MUC22: variants seen among roughly 807,000 people sequenced by gnomAD.
MUC22 encodes mucin 22, also known as mucin-22.
In MUC22, 24 loss-of-function variants were observed where a neutral mutation model predicts 40.3. That is an observed-to-expected ratio of 0.60 (90% CI 0.43 to 0.84). The LOEUF (loss-of-function observed/expected upper bound fraction) is 0.84, where lower values mean the gene tolerates loss of function less well. MUC22 is among the 40% of genes least tolerant of loss of function. The pLI is 0.00. For missense variants in MUC22, 1,926 were observed against 2,130.7 expected (o/e 0.90, Z 1.89); for synonymous variants, 765 against 844.5 (o/e 0.91, Z 1.63).
chr6:31,018,412 A>T (rs1764418355), intron 1 of MUC22, among the ~76,000 whole-genome samples: 1 of 152,226 alleles, frequency 6.6e-6, no homozygotes, highest in South Asian at 2.1e-4. Context: ...CCACAGAATT[A>T]ATAATCTACC....
At chr6:31,025,532 G>C (rs770108687) in exon 2 of MUC22, 4 of 1,516,074 alleles carry the variant, frequency 2.6e-6, no homozygotes, top group South Asian at 1.2e-5. Flanking sequence ...TTCACAAAAG[G>C]CTCCGACACC....
exon 2 of MUC22, chr6:31,028,640 C>G (rs1765674517): frequency 6.5e-7 from 1 of 1,534,452 alleles, no homozygotes; most frequent in Non-Finnish European, 8.7e-7. Flanking sequence ...GCCTCTACCA[C>G]AGCCTCTGAG....
chr6:31,011,396 G>A lies in MUC22; in HGVS notation c.70+620G>A, dbSNP rs992652471. On this transcript the variant is annotated intron_variant, in intron 1 of 3. Transcript: ENST00000561890. The surrounding 1 kb of genome is among the most constrained non-coding windows in gnomAD (Gnocchi z 4.5). ...AAAGTCCACTGTATCATTCTCATGC[G>A]TTTGAGTCCTCACAGCTTAGCTCCC... is the stretch of plus-strand genomic sequence containing the variant. Among the ~76,000 whole-genome samples the A allele has an allele frequency of 2.6e-5, 4 of 151,942 alleles. No homozygotes were observed. Among genetic ancestry groups the A allele is most frequent in the South Asian group, 2.1e-4 (1 of 4,818 alleles).
At chr6:31,022,031 G>C (rs1632868) in intron 1 of MUC22, among the ~76,000 whole-genome samples, 96,452 of 151,534 alleles carry the variant, frequency 0.64, 30,883 homozygotes, top group Non-Finnish European at 0.65. Context: ...ACACGCATGG[G>C]CTTAAGAGTT....
chr6:31,026,427 T>C lies in MUC22; in HGVS notation c.996T>C (p.Ser332=), dbSNP rs1283892471. ...GATCCGAGAACACCACAGTCTCTAG[T>C]GCAGGCTCTGGGACCACCACAGCTT... is the stretch of plus-strand genomic sequence containing the variant. Residue 332 remains serine (S), a synonymous_variant, in exon 2 of 4, where the codon AGT becomes AGC. Transcript: ENST00000561890. The C allele has an allele frequency of 2.1e-5, 31 of 1,506,818 alleles. 2 individuals carry two copies. Among genetic ancestry groups the C allele is most frequent in the Non-Finnish European group, 2.7e-5 (30 of 1,128,712 alleles). 93.3% of individuals were successfully genotyped at this position (1,506,818 alleles called of 1,614,324 possible). A position where few individuals can be genotyped will look rare whatever the true frequency, so the allele number is the denominator to read the frequency against.
chr6:31,022,373 A>T (rs541792246), intron 1 of MUC22, among the ~76,000 whole-genome samples: 2 of 152,116 alleles, frequency 1.3e-5, no homozygotes, highest in African/African-American at 2.4e-5. Context: ...AATTTTGGTT[A>T]GGCTGGTATC....
Position 31,011,025 on chromosome 6 carries a change from TG to T in MUC22, c.70+253del, listed in dbSNP as rs1763832760. Among the ~76,000 whole-genome samples the T allele has an allele frequency of 6.6e-6, 1 of 150,976 alleles. No homozygotes were observed. The highest frequency in any genetic ancestry group is 1.5e-5 in the Non-Finnish European group (1 of 67,786). On this transcript the variant is annotated intron_variant, in intron 1 of 3. Transcript: ENST00000561890. The surrounding 1 kb of genome is among the most constrained non-coding windows in gnomAD (Gnocchi z 4.5). ...CAGCTGTGGTTGTGAGCACATGTGG[TG>T]GGGCGGTGGGGCGGTGCTGGGGAAA...
At chr6:31,034,757 G>T (rs1319576167) in exon 4 of MUC22, 2 of 1,535,614 alleles carry the variant, frequency 1.3e-6, no homozygotes, top group African/African-American at 1.4e-5. Flanking sequence ...CTGAACTTGG[G>T]CCTGGGCTCT....
At chr6:31,006,966 T>C (rs1417197135), upstream of MUC22, among the ~76,000 whole-genome samples, 2 of 151,828 alleles carry the variant, frequency 1.3e-5, no homozygotes, top group Non-Finnish European at 2.9e-5. Context: ...CTGAGCAATA[T>C]AGTGAGACCC....
At chr6:31,023,105 G>C (rs1220240946) in intron 1 of MUC22, among the ~76,000 whole-genome samples, 2 of 151,594 alleles carry the variant, frequency 1.3e-5, no homozygotes, top group Non-Finnish European at 2.9e-5. Context: ...ACTCCAGCCT[G>C]AGTGACAGAT....
upstream of MUC22, among the ~76,000 whole-genome samples, chr6:31,006,420 G>A (rs760103003): frequency 2.0e-5 from 3 of 152,210 alleles, no homozygotes; most frequent in Non-Finnish European, 4.4e-5. Context: ...CAGGGGTTAC[G>A]AGGGTGGGGT....
At chr6:31,022,890 G>A (rs1242255160) in intron 1 of MUC22, among the ~76,000 whole-genome samples, 1 of 152,208 alleles carries the variant, frequency 6.6e-6, no homozygotes. Flanking sequence ...AGCCCTTTGG[G>A]AGGCTGAGGC....
At chr6:31,006,110 A>G (rs1763508682), upstream of MUC22, 2 of 399,510 alleles carry the variant, frequency 5.0e-6, no homozygotes, top group Non-Finnish European at 9.8e-6. Flanking sequence ...CCGTCTCAAA[A>G]AAATGAAAAA....
At chr6:31,014,155 G>T (rs1581604907) in intron 1 of MUC22, among the ~76,000 whole-genome samples, 1 of 152,130 alleles carries the variant, frequency 6.6e-6, no homozygotes, top group East Asian at 1.9e-4. Context: ...TTATAACTGG[G>T]TCATATAATT....
In MUC22 at chr6:31,032,679, G is replaced by A. The variant is rs1366097531; in HGVS notation, c.5055+98G>A. On this transcript the variant is annotated intron_variant, in intron 3 of 3. Transcript: ENST00000561890. The surrounding 1 kb of genome is among the most constrained non-coding windows in gnomAD (Gnocchi z 4.1). ...GAAAAATCCAGAATGAGAAAGGGGA[G>A]TAAGTTGGTGCGCTCAGAAGGAAAG... 22 of 1,283,042 alleles carry A rather than the reference G, an allele frequency of 1.7e-5. No individual in the cohort carries two copies. The highest frequency in any genetic ancestry group is 2.3e-5 in the Non-Finnish European group (22 of 949,846). 79.5% of individuals were successfully genotyped at this position (1,283,042 alleles called of 1,614,324 possible).
intron 1 of MUC22, 122 bp from the exon 2 acceptor site, chr6:31,025,380 C>G (rs1765190569): frequency 9.6e-6 from 11 of 1,145,616 alleles, no homozygotes; most frequent in Non-Finnish European, 1.3e-5. Context: ...ACATGTTAAG[C>G]CCTCAATAAC....
intron 1 of MUC22, among the ~76,000 whole-genome samples, chr6:31,017,296 C>T (rs1249557147): frequency 1.3e-5 from 2 of 152,258 alleles, no homozygotes; most frequent in Non-Finnish European, 2.9e-5. Flanking sequence ...ACCTTTATGT[C>T]TAGCTAAGGG....
exon 2 of MUC22, chr6:31,028,811 C>G: frequency 1.3e-6 from 2 of 1,532,830 alleles, no homozygotes; most frequent in Non-Finnish European, 1.7e-6. Context: ...GAGACCACTA[C>G]AGCCACTACC....
chr6:31,026,463 C>T (rs1322191644), exon 2 of MUC22: 1 of 1,506,830 alleles, frequency 6.6e-7, no homozygotes. Context: ...CTATGGCAGG[C>T]TCTGAGACCA....
Sources: allele counts gnomAD v4.1 joint callset (sites outside exome capture counted in the v4.1 genomes callset), GRCh38; gene constraint gnomAD v4.1.1; non-coding constraint Gnocchi (gnomAD v3.1); transcripts MANE v1.5; gene names NCBI Gene and HGNC (gene_info 2026-07-23, HGNC 2026-07-21).